ROBO1: variants seen among roughly 807,000 people sequenced by gnomAD.
ROBO1 encodes roundabout homolog 1.
Under a neutral mutation model 195.9 loss-of-function variants are expected in ROBO1, and 149 were observed. The ratio of observed to expected loss-of-function variants is 0.76; its 90% confidence interval spans 0.67 to 0.87. The LOEUF is 0.87. Among genes scored for constraint, ROBO1 ranks in the 40% least tolerant of loss-of-function variants. The pLI is 0.00. For synonymous variants in ROBO1, 816 were observed against 733.2 expected, an observed-to-expected ratio of 1.11 and a Z score of -1.82; for missense variants, 1,933 against 2,068.3, an observed-to-expected ratio of 0.93 and a Z score of 1.27.
At chr3:79,114,303 G>A (rs1453370944) in intron 3 of ROBO1, among the ~76,000 whole-genome samples, 1 of 152,132 alleles carries the variant, frequency 6.6e-6, no homozygotes, top group African/African-American at 2.4e-5. Context: ...CTTTATTAGG[G>A]AAAATCAACA....
chr3:79,288,252 C>A (rs1171700033), intron 2 of ROBO1, among the ~76,000 whole-genome samples: 1 of 152,104 alleles, frequency 6.6e-6, no homozygotes, highest in East Asian at 1.9e-4. Flanking sequence ...ATTATTACTG[C>A]ACTTCTGAAA....
intron 4 of ROBO1, among the ~76,000 whole-genome samples, chr3:78,783,470 G>C (rs1001437644): frequency 6.6e-6 from 1 of 152,066 alleles, no homozygotes; most frequent in African/African-American, 2.4e-5. Flanking sequence ...TTAATAGCAA[G>C]TATACATATC....
intron 4 of ROBO1, among the ~76,000 whole-genome samples, chr3:78,902,113 TTTGA>T (rs2037627101): frequency 6.6e-6 from 1 of 152,196 alleles, no homozygotes; most frequent in Admixed American, 6.5e-5. Flanking sequence ...TTTTGGCATC[TTTGA>T]TTACTTTTAA....
chr3:79,459,474 G>A (rs775996047), intron 2 of ROBO1, among the ~76,000 whole-genome samples: 1 of 150,926 alleles, frequency 6.6e-6, no homozygotes, highest in African/African-American at 2.4e-5. Flanking sequence ...AGGAGGACAA[G>A]GAAAGAGTAT....
intron 10 of ROBO1, among the ~76,000 whole-genome samples, chr3:78,679,834 T>G (rs1252610192): frequency 6.6e-6 from 1 of 152,012 alleles, no homozygotes; most frequent in Non-Finnish European, 1.5e-5. Flanking sequence ...AAAACTACTT[T>G]AAAGTTCATA....
chr3:78,682,576 A>G (rs2080947426), intron 10 of ROBO1, among the ~76,000 whole-genome samples: 1 of 147,854 alleles, frequency 6.8e-6, no homozygotes, highest in Non-Finnish European at 1.5e-5. Context: ...ATATACACAT[A>G]TATACAGAGT....
At chr3:79,669,264 A>G (rs564365145) in intron 1 of ROBO1, among the ~76,000 whole-genome samples, 1 of 151,804 alleles carries the variant, frequency 6.6e-6, no homozygotes, top group African/African-American at 2.4e-5. Flanking sequence ...TCGATGTAAG[A>G]AGTGACTTGC....
At chr3:79,739,938 A>T (rs1156681287) in intron 1 of ROBO1, among the ~76,000 whole-genome samples, 3 of 152,142 alleles carry the variant, frequency 2.0e-5, no homozygotes, top group African/African-American at 7.2e-5. Context: ...ATGTATTAGA[A>T]ATAAACTGAT....
intron 1 of ROBO1, among the ~76,000 whole-genome samples, chr3:79,595,451 T>C (rs892529638): frequency 8.5e-5 from 13 of 152,068 alleles, no homozygotes; most frequent in Non-Finnish European, 1.5e-5. Flanking sequence ...CTCTTCAGCC[T>C]AGGTGGCTCT....
At chr3:78,975,545 T>C (rs1282682195) in intron 3 of ROBO1, among the ~76,000 whole-genome samples, 25 of 152,064 alleles carry the variant, frequency 1.6e-4, no homozygotes. Context: ...TAACCTTAGT[T>C]TCCTGGTTTT....
intron 3 of ROBO1, among the ~76,000 whole-genome samples, chr3:78,983,638 A>G (rs1005529819): frequency 1.3e-5 from 2 of 152,256 alleles, no homozygotes; most frequent in African/African-American, 4.8e-5. Flanking sequence ...ATAGAGAATA[A>G]TACAGAAAAT....
intron 2 of ROBO1, among the ~76,000 whole-genome samples, chr3:79,181,890 C>T (rs1260285498): frequency 2.2e-5 from 3 of 139,506 alleles, no homozygotes; most frequent in Non-Finnish European, 4.6e-5. Context: ...CATGCCAATG[C>T]ATTCCAATCT....
intron 1 of ROBO1, among the ~76,000 whole-genome samples, chr3:79,709,845 C>T (rs1024774592): frequency 4.6e-5 from 7 of 152,124 alleles, no homozygotes; most frequent in African/African-American, 2.4e-5. Context: ...GAGCTAGCTG[C>T]CTTGCCCGTT....
At chr3:79,424,731 C>A (rs929689704) in intron 2 of ROBO1, among the ~76,000 whole-genome samples, 1 of 152,050 alleles carries the variant, frequency 6.6e-6, no homozygotes, top group African/African-American at 2.4e-5. Flanking sequence ...TAGAATGTAA[C>A]CTTCTCTGGA....
intron 2 of ROBO1, among the ~76,000 whole-genome samples, chr3:79,313,626 T>C (rs1304844626): frequency 6.6e-6 from 1 of 152,312 alleles, no homozygotes; most frequent in East Asian, 1.9e-4. Context: ...TTATGAGTTA[T>C]GTGCAAAGAG....
chr3:78,615,430 C>T (rs767767895), intron 27 of ROBO1, among the ~76,000 whole-genome samples: 3 of 152,118 alleles, frequency 2.0e-5, no homozygotes, highest in Non-Finnish European at 4.4e-5. Flanking sequence ...TCCAAGACTT[C>T]TGTTTTTTTT....
intron 2 of ROBO1, among the ~76,000 whole-genome samples, chr3:79,466,085 C>T (rs576849250): frequency 6.6e-6 from 1 of 151,642 alleles, no homozygotes; most frequent in East Asian, 1.9e-4. Flanking sequence ...CCCCAAACCT[C>T]CCTGAAATTG....
intron 2 of ROBO1, among the ~76,000 whole-genome samples, chr3:79,492,171 T>C (rs1438369577): frequency 6.6e-6 from 1 of 152,112 alleles, no homozygotes; most frequent in Non-Finnish European, 1.5e-5. Context: ...ACGCCTGTAA[T>C]CCCAGCACTT....
chr3:78,941,616 A>T (rs1048040702), intron 3 of ROBO1, among the ~76,000 whole-genome samples: 1 of 152,134 alleles, frequency 6.6e-6, no homozygotes, highest in African/African-American at 2.4e-5. Context: ...CAGAGAAGAA[A>T]CTCAAACACA....
Sources: allele counts gnomAD v4.1 joint callset (sites outside exome capture counted in the v4.1 genomes callset), GRCh38; gene constraint gnomAD v4.1.1; transcripts MANE v1.5; gene names NCBI Gene and HGNC (gene_info 2026-07-23, HGNC 2026-07-21).